The following ITPR2 variants were observed in gnomAD, a reference collection of about 807,000 sequenced individuals.
ITPR2 encodes inositol 1,4,5-trisphosphate receptor type 2.
In ITPR2, 207 loss-of-function variants were observed where a neutral mutation model predicts 317.1. The observed-to-expected ratio is 0.65, with a 90% CI of 0.58 to 0.73. The LOEUF (loss-of-function observed/expected upper bound fraction) is 0.73, where lower values mean the gene tolerates loss of function less well. Ranked by LOEUF, ITPR2 falls within the 30% of genes least tolerant of loss-of-function variation. The pLI is 0.00. For synonymous variants in ITPR2, 1,156 were observed against 1,149.1 expected, an observed-to-expected ratio of 1.01 and a Z score of -0.12; for missense variants, 2,613 against 3,284.0, an observed-to-expected ratio of 0.80 and a Z score of 4.99.
chr12:26,390,284 T>C (rs541802020), intron 54 of ITPR2, among the ~76,000 whole-genome samples: 1 of 152,260 alleles, frequency 6.6e-6, no homozygotes, highest in East Asian at 1.9e-4. Context: ...GAACTGAAAA[T>C]GTATGTTCAC....
intron 45 of ITPR2, among the ~76,000 whole-genome samples, chr12:26,452,362 C>T (rs1941763039): frequency 1.9e-5 from 2 of 103,158 alleles, no homozygotes; most frequent in Non-Finnish European, 4.0e-5. Flanking sequence ...AATAACAGTA[C>T]ATTTACTGAA....
intron 2 of ITPR2, among the ~76,000 whole-genome samples, chr12:26,736,326 G>A (rs1949117717): frequency 6.6e-6 from 1 of 152,204 alleles, no homozygotes; most frequent in Non-Finnish European, 1.5e-5. Flanking sequence ...CAGGAAAGTT[G>A]TTGATCAAAT....
chr12:26,466,224 A>G (rs74739312), intron 45 of ITPR2, among the ~76,000 whole-genome samples: 2,922 of 152,304 alleles, frequency 0.019, 74 homozygotes, highest in African/African-American at 0.054. Flanking sequence ...AAAAACAGCT[A>G]TGTGCATTAT....
intron 2 of ITPR2, among the ~76,000 whole-genome samples, chr12:26,745,641 T>C (rs1308512300): frequency 2.0e-5 from 3 of 152,140 alleles, no homozygotes; most frequent in Non-Finnish European, 2.9e-5. Context: ...GAATTACAAT[T>C]TAACCAAGCA....
chr12:26,401,068 A>C (rs1591991576), intron 52 of ITPR2, among the ~76,000 whole-genome samples: 1 of 72,730 alleles, frequency 1.4e-5, no homozygotes. Flanking sequence ...TATCTCTACT[A>C]AAAATCAAAA....
chr12:26,388,894 A>C (rs1939747911), intron 54 of ITPR2, among the ~76,000 whole-genome samples: 1 of 152,104 alleles, frequency 6.6e-6, no homozygotes, highest in South Asian at 2.1e-4. Context: ...CTTCACCCAC[A>C]GTCCTCCCCT....
intron 9 of ITPR2, 58 bp from the exon 10 acceptor site, chr12:26,695,708 C>G (rs1480356102): frequency 9.5e-7 from 1 of 1,053,740 alleles, no homozygotes; most frequent in African/African-American, 1.9e-5. Flanking sequence ...ACTAACAAGA[C>G]CATTGATCTT....
At chr12:26,745,118 C>A (rs1230552267) in intron 2 of ITPR2, among the ~76,000 whole-genome samples, 1 of 152,214 alleles carries the variant, frequency 6.6e-6, no homozygotes, top group East Asian at 1.9e-4. Context: ...CCAGAACGGG[C>A]TTTGATGTTA....
chr12:26,551,016 A>C (rs1267896294), intron 36 of ITPR2, among the ~76,000 whole-genome samples: 1 of 152,214 alleles, frequency 6.6e-6, no homozygotes, highest in Non-Finnish European at 1.5e-5. Flanking sequence ...CGTTAGGAGA[A>C]GAGTTTCAAG....
Position 26,337,986 on chromosome 12 carries a change from T to C in ITPR2, c.*1411A>G, listed in dbSNP as rs1388439286. ...TTAAAAATTGTCAGAGCAAACCCTA[T>C]AGCAAACCCTATCTAGACCTTAAAC... On this transcript the variant is annotated 3_prime_UTR_variant, in exon 57 of 57. Transcript: ENST00000381340. The C allele has an allele frequency of 6.6e-6, 1 of 152,190 alleles. No homozygotes were observed. Among genetic ancestry groups the C allele is most frequent in the Non-Finnish European group, 1.5e-5 (1 of 68,026 alleles). 9.4% of individuals were successfully genotyped at this position (152,190 alleles called of 1,614,324 possible).
At chr12:26,399,864 T>G (rs933031094) in intron 53 of ITPR2, among the ~76,000 whole-genome samples, 1 of 152,214 alleles carries the variant, frequency 6.6e-6, no homozygotes, top group Non-Finnish European at 1.5e-5. Context: ...CTATATAAAG[T>G]TCGCAGTCAT....
intron 55 of ITPR2, among the ~76,000 whole-genome samples, chr12:26,342,864 T>C (rs923879861): frequency 1.3e-5 from 2 of 152,052 alleles, no homozygotes; most frequent in African/African-American, 4.8e-5. Context: ...CTGCCTCGGC[T>C]TCCCAAAGTT....
At chr12:26,411,263 C>T (rs1394049320) in intron 52 of ITPR2, 57 bp downstream of exon 52, 19 of 1,118,654 alleles carry the variant, frequency 1.7e-5, no homozygotes, top group Non-Finnish European at 2.3e-5. Context: ...ATAATATTTA[C>T]TAAATAAAAC....
At chr12:26,761,462 T>C (rs113356916) in intron 2 of ITPR2, among the ~76,000 whole-genome samples, 203 of 152,180 alleles carry the variant, frequency 1.3e-3, no homozygotes, top group African/African-American at 3.8e-3. Context: ...TGGAGATCTA[T>C]ACATTTTCTG....
chr12:26,391,555 C>T lies in ITPR2; in HGVS notation c.7697-3961G>A, dbSNP rs199884302. On this transcript the variant is annotated intron_variant, in intron 54 of 56. Coordinates refer to ENST00000381340, the MANE Select transcript of ITPR2 (RefSeq NM_002223.4). ...AGCTTCTTCTTCTTCTTCTTCTTTT[C>T]CTTTTTTTTTTTTTTTTTTTTTTTT... Among the ~76,000 whole-genome samples, 157 of 70,808 alleles carry T rather than the reference C, an allele frequency of 2.2e-3. 4 individuals carry two copies. The highest frequency in any genetic ancestry group is 0.012 in the Middle Eastern group (1 of 84). 46.5% of individuals were successfully genotyped at this position (70,808 alleles called of 152,430 possible). A position where few individuals can be genotyped will look rare whatever the true frequency, so the allele number is the denominator to read the frequency against.
At chr12:26,382,105 G>A (rs556357194) in intron 55 of ITPR2, among the ~76,000 whole-genome samples, 32 of 152,154 alleles carry the variant, frequency 2.1e-4, no homozygotes, top group South Asian at 1.5e-3. Context: ...AGTATGGGAT[G>A]GAGGATTTAT....
At chr12:26,596,383 A>G (rs536264748) in intron 31 of ITPR2, among the ~76,000 whole-genome samples, 109 of 152,340 alleles carry the variant, frequency 7.2e-4, no homozygotes, top group African/African-American at 2.5e-3. Flanking sequence ...GTGGTGGCTC[A>G]CGCCTGTAAA....
chr12:26,520,156 A>G (rs1047609323), intron 37 of ITPR2, among the ~76,000 whole-genome samples: 5 of 152,216 alleles, frequency 3.3e-5, no homozygotes, highest in Non-Finnish European at 7.3e-5. Flanking sequence ...TAAGGTTTTC[A>G]GAGAAACATA....
chr12:26,356,800 G>T (rs907769200), intron 55 of ITPR2, among the ~76,000 whole-genome samples: 11 of 152,124 alleles, frequency 7.2e-5, no homozygotes, highest in African/African-American at 2.7e-4. Context: ...TCTTGCTTTG[G>T]CTTCCCAAAG....
Sources: gnomAD v4.1 joint callset for allele counts (sites outside exome capture counted in the v4.1 genomes callset) on GRCh38, gnomAD v4.1.1 for gene constraint, MANE v1.5 for transcripts, NCBI Gene and HGNC (gene_info 2026-07-23, HGNC 2026-07-21) for gene names.